The following PPFIA1 variants were observed in gnomAD, a reference collection of about 807,000 sequenced individuals.
PPFIA1 encodes the protein liprin-alpha-1.
Under a neutral mutation model 149.9 loss-of-function variants are expected in PPFIA1, and 25 were observed. That is an observed-to-expected ratio of 0.17 (90% CI 0.12 to 0.23). PPFIA1 has a LOEUF of 0.23. Ranked by LOEUF, PPFIA1 falls within the 10% of genes least tolerant of loss-of-function variation. The pLI is 1.00. For synonymous variants in PPFIA1, 549 were observed against 552.8 expected, an observed-to-expected ratio of 0.99 and a Z score of 0.10; for missense variants, 1,362 against 1,506.5, an observed-to-expected ratio of 0.90 and a Z score of 1.59.
intron 19 of PPFIA1, among the ~76,000 whole-genome samples, chr11:70,357,497 A>C (rs1274692460): frequency 1.3e-5 from 2 of 152,170 alleles, no homozygotes; most frequent in African/African-American, 2.4e-5. Flanking sequence ...AGGAATACTC[A>C]GTTTTTTGGT....
At chr11:70,282,753 C>T (rs978312299) in intron 2 of PPFIA1, among the ~76,000 whole-genome samples, 1 of 150,484 alleles carries the variant, frequency 6.6e-6, no homozygotes, top group Non-Finnish European at 1.5e-5. Flanking sequence ...AGAATGGTCG[C>T]GATCTCCTGA....
intron 8 of PPFIA1, 123 bp from the exon 9 acceptor site, chr11:70,331,837 T>C: frequency 9.2e-7 from 1 of 1,085,606 alleles, no homozygotes; most frequent in South Asian, 2.1e-5. Context: ...GCAACTCCCA[T>C]CACTGTAGCT....
intron 4 of PPFIA1, 87 bp downstream of exon 4, chr11:70,325,098 A>G: frequency 1.5e-6 from 2 of 1,301,726 alleles, no homozygotes; most frequent in Non-Finnish European, 1.0e-6. Context: ...TTGTTTTTTG[A>G]AGCTTCTTGA....
Position 70,375,027 on chromosome 11 carries a change from C to G in PPFIA1, c.3249C>G (p.Ala1083=). 1.2e-6 allele frequency: 2 copies of G among 1,613,806 alleles called. No homozygotes were observed. Among genetic ancestry groups the G allele is most frequent in the Non-Finnish European group, 1.7e-6 (2 of 1,179,946 alleles). ...GTGGTGTTCACGGAGCACTTCTGGC[C>G]TTAGATGAAACCTTCGACTTCAGTG... ...IESGVHGALL[A]LDETFDFSAL... Residue 1083 remains alanine (A), a synonymous_variant, in exon 24 of 28, where the codon GCC becomes GCG. Transcript: ENST00000253925.
intron 21 of PPFIA1, chr11:70,372,006 A>G (rs996969767): frequency 6.1e-5 from 24 of 396,462 alleles, no homozygotes; most frequent in Non-Finnish European, 7.5e-5. Flanking sequence ...AACGAATCAT[A>G]TATTTTTCAT....
intron 14 of PPFIA1, 99 bp from the exon 15 acceptor site, chr11:70,343,570 T>G: frequency 9.4e-7 from 1 of 1,062,006 alleles, no homozygotes; most frequent in South Asian, 1.5e-5. Context: ...TAAAATCTTT[T>G]GGGCTTTCAT....
chr11:70,296,488 C>G (rs1454588619), intron 2 of PPFIA1, among the ~76,000 whole-genome samples: 2 of 152,088 alleles, frequency 1.3e-5, no homozygotes, highest in Non-Finnish European at 2.9e-5. Flanking sequence ...GAGGCCAGCC[C>G]GGCCAACACA....
chr11:70,354,624 T>C (rs1475779974), intron 17 of PPFIA1, among the ~76,000 whole-genome samples, 172 bp downstream of exon 17: 1 of 152,150 alleles, frequency 6.6e-6, no homozygotes, highest in African/African-American at 2.4e-5. Context: ...CTCTGGGCTA[T>C]AGTGAAATCC....
intron 11 of PPFIA1, among the ~76,000 whole-genome samples, chr11:70,336,709 G>A (rs1289192954): frequency 3.3e-5 from 5 of 152,162 alleles, no homozygotes; most frequent in Non-Finnish European, 5.9e-5. Flanking sequence ...TCACCAGAGC[G>A]AAGGGATATC....
chr11:70,293,954 T>TC (rs1175034277), intron 2 of PPFIA1, among the ~76,000 whole-genome samples: 4 of 150,638 alleles, frequency 2.7e-5, no homozygotes, highest in Non-Finnish European at 5.9e-5. Flanking sequence ...TTTTTTTTTT[T>TC]TTTTTGACAG....
chr11:70,278,418 AATTC>A (rs2050547818), intron 2 of PPFIA1, among the ~76,000 whole-genome samples: 1 of 152,192 alleles, frequency 6.6e-6, no homozygotes. Flanking sequence ...TGTAGCAGCG[AATTC>A]ATTGTTTTTT....
intron 2 of PPFIA1, among the ~76,000 whole-genome samples, chr11:70,303,666 A>AGGTGACT (rs2052645307): frequency 6.6e-6 from 1 of 152,222 alleles, no homozygotes; most frequent in Non-Finnish European, 1.5e-5. Context: ...TGTGCTGATC[A>AGGTGACT]GGTGACTGGT....
At chr11:70,321,119 G>A (rs2053913586) in intron 2 of PPFIA1, 1 of 152,170 alleles carries the variant, frequency 6.6e-6, no homozygotes, top group Admixed American at 6.6e-5. Flanking sequence ...AGGTCATGAG[G>A]GTGGACTCCT....
chr11:70,331,101 G>A (rs866347822), intron 8 of PPFIA1, among the ~76,000 whole-genome samples: 1 of 152,018 alleles, frequency 6.6e-6, no homozygotes, highest in Non-Finnish European at 1.5e-5. Flanking sequence ...GCTTGGTGGC[G>A]CGCATCTGTA....
chr11:70,294,873 A>G lies in PPFIA1; in HGVS notation c.264+22437A>G, dbSNP rs527351828. Among the ~76,000 whole-genome samples the G allele has an allele frequency of 3.6e-4, 54 of 151,636 alleles. No homozygotes were observed. In the South Asian group the frequency reaches 0.01, roughly 29 times the overall value. The stretch of plus-strand genomic sequence containing the variant: ...TTCAGAGAGCACAGGGTTGGGGGGT[A>G]AGGTCACAGATCAACAGGATCCCAA... On this transcript the variant is annotated intron_variant, in intron 2 of 27. Transcript: ENST00000253925.
chr11:70,341,482 G>A (rs925852880), intron 14 of PPFIA1, among the ~76,000 whole-genome samples: 2 of 152,140 alleles, frequency 1.3e-5, no homozygotes, highest in African/African-American at 4.8e-5. Context: ...AGATGAGGAA[G>A]ACACTGGCTT....
At chr11:70,356,481 G>A in intron 19 of PPFIA1, among the ~76,000 whole-genome samples, 1 of 152,184 alleles carries the variant, frequency 6.6e-6, no homozygotes, top group East Asian at 1.9e-4. Flanking sequence ...GTCCAACCAG[G>A]AGATAGGGTG....
chr11:70,376,610 T>G lies in PPFIA1; in HGVS notation c.3384+10T>G, dbSNP rs747694339. On this transcript the variant is annotated intron_variant, in intron 25 of 27. Transcript: ENST00000253925. Reference sequence around the variant, plus strand: ...TAGAAGGTTTGATGAAGTAAGTTTTTGGCCTAATGTTCTTTAAATGTCTGA... The same window carrying G: ...TAGAAGGTTTGATGAAGTAAGTTTTGGGCCTAATGTTCTTTAAATGTCTGA... 6.2e-7 allele frequency: 1 copy of G among 1,600,532 alleles called. No individual in the cohort carries two copies. Among genetic ancestry groups the G allele is most frequent in the Admixed American group, 1.7e-5 (1 of 60,010 alleles).
chr11:70,333,910 A>G (rs1468111034), intron 10 of PPFIA1, among the ~76,000 whole-genome samples: 3 of 152,152 alleles, frequency 2.0e-5, no homozygotes, highest in Non-Finnish European at 2.9e-5. Context: ...AGGCAGGTCC[A>G]TTGTCCTGAA....
Sources: gnomAD v4.1 joint callset for allele counts (sites outside exome capture counted in the v4.1 genomes callset) on GRCh38, gnomAD v4.1.1 for gene constraint, MANE v1.5 for transcripts, NCBI Gene and HGNC (gene_info 2026-07-23, HGNC 2026-07-21) for gene names.